Variants in SLC44A1 observed in about 807,000 individuals in gnomAD.
SLC44A1 encodes the protein choline transporter-like protein 1.
Under a neutral mutation model 79.3 loss-of-function variants are expected in SLC44A1, and 26 were observed. The observed-to-expected ratio is 0.33, with a 90% confidence interval of 0.24 to 0.46. SLC44A1 has a LOEUF of 0.46. Ranked by LOEUF, SLC44A1 falls within the 20% of genes least tolerant of loss-of-function variation. The pLI, the probability that SLC44A1 is intolerant of heterozygous loss-of-function variation, is 1.00. For missense variants in SLC44A1, 688 were observed against 798.1 expected, an observed-to-expected ratio of 0.86 and a Z score of 1.66; for synonymous variants, 263 against 286.2, an observed-to-expected ratio of 0.92 and a Z score of 0.82.
Position 105,390,672 on chromosome 9 carries a change from T to G in SLC44A1, c.*1616T>G. On this transcript the variant is annotated 3_prime_UTR_variant, in exon 16 of 16. Coordinates refer to ENST00000374720, the MANE Select transcript of SLC44A1 (RefSeq NM_080546.5). ...TGTATTTTTTTTTAAGTATTGGTGT[T>G]CTTTACTCTAGCTAGGCTAAAATTT... 1 of 985,632 alleles carries G rather than the reference T, an allele frequency of 1.0e-6. No homozygotes were observed. Among genetic ancestry groups the G allele is most frequent in the Non-Finnish European group, 1.2e-6 (1 of 829,750 alleles). 61.1% of individuals were successfully genotyped at this position (985,632 alleles called of 1,614,324 possible). A position where few individuals can be genotyped will look rare whatever the true frequency, so the allele number is the denominator to read the frequency against.
At chr9:105,397,949 GAAAAAAAA>G (rs904638767), downstream of SLC44A1, among the ~76,000 whole-genome samples, 8 of 148,590 alleles carry the variant, frequency 5.4e-5, no homozygotes, top group African/African-American at 2.6e-5. Context: ...CTCGGTCTCA[GAAAAAAAA>G]AAAAAAGAAA....
rs1828786478 is a variant in SLC44A1 at position 105,392,429 on chromosome 9, T to C, written c.*3373T>C. The C allele has an allele frequency of 1.1e-6, 1 of 898,534 alleles. No homozygotes were observed. Among genetic ancestry groups the C allele is most frequent in the Non-Finnish European group, 1.3e-6 (1 of 769,306 alleles). 55.7% of individuals were successfully genotyped at this position (898,534 alleles called of 1,614,324 possible). A position where few individuals can be genotyped will look rare whatever the true frequency, so the allele number is the denominator to read the frequency against. ...TTTTTTTTTTTTTTTTTTTTTTTTT[T>C]TCCGTGAGGGCATTAGGCTGCTGAT... On this transcript the variant is annotated 3_prime_UTR_variant, in exon 16 of 16. Transcript: ENST00000374720.
At chr9:105,314,132 A>T (rs1831255857) in intron 3 of SLC44A1, among the ~76,000 whole-genome samples, 1 of 152,198 alleles carries the variant, frequency 6.6e-6, no homozygotes. Flanking sequence ...TGGACAGAGC[A>T]GAAATGGTCC....
chr9:105,355,332 A>G (rs1158455220), intron 5 of SLC44A1, among the ~76,000 whole-genome samples: 1 of 152,246 alleles, frequency 6.6e-6, no homozygotes, highest in African/African-American at 2.4e-5. Context: ...TTTCACAAGT[A>G]AAAGTTTCAG....
At position 105,396,000 on chromosome 9, in the gene SLC44A1, G is replaced by A; in HGVS notation, c.*6944G>A. 1 of 984,738 alleles carries A rather than the reference G, an allele frequency of 1.0e-6. No homozygotes were observed. The highest frequency in any genetic ancestry group is 1.8e-5 in the African/African-American group (1 of 57,108). The allele number at this position is 984,738 out of a possible 1,614,324, so 61.0% of individuals were successfully genotyped here. A position where few individuals can be genotyped will look rare whatever the true frequency, so the allele number is the denominator to read the frequency against. ...GATTTGAAACAGGGACTATTAAGTA[G>A]ATTTTCCCCCATCCTCTAGGTTCCT... On this transcript the variant is annotated 3_prime_UTR_variant, in exon 16 of 16. Transcript: ENST00000374720.
At chr9:105,253,475 C>T (rs1829633864) in intron 1 of SLC44A1, among the ~76,000 whole-genome samples, 1 of 152,152 alleles carries the variant, frequency 6.6e-6, no homozygotes, top group African/African-American at 2.4e-5. Flanking sequence ...CACGTATAAT[C>T]CCAACACTTT....
intron 15 of SLC44A1, among the ~76,000 whole-genome samples, chr9:105,409,338 A>G (rs1452281167): frequency 6.6e-6 from 1 of 152,268 alleles, no homozygotes; most frequent in East Asian, 1.9e-4. Flanking sequence ...GTTACTAGAG[A>G]GGACATTTTA....
intron 1 of SLC44A1, among the ~76,000 whole-genome samples, chr9:105,270,381 C>A (rs1157411536): frequency 6.6e-6 from 1 of 152,198 alleles, no homozygotes. Context: ...TTTCTCCACT[C>A]AATAGCCTGA....
At position 105,395,545 on chromosome 9, in the gene SLC44A1, A is replaced by G; in HGVS notation, c.*6489A>G. Reference sequence around the variant, plus strand: ...AGAAGAGTTTTAATGAACCTTCCACAGTAGTAAATGCAGAGACCACTGGTG... The same window carrying G: ...AGAAGAGTTTTAATGAACCTTCCACGGTAGTAAATGCAGAGACCACTGGTG... On this transcript the variant is annotated 3_prime_UTR_variant, in exon 16 of 16. Coordinates refer to ENST00000374720, the MANE Select transcript of SLC44A1 (RefSeq NM_080546.5). 2 of 985,512 alleles carry G rather than the reference A, an allele frequency of 2.0e-6. No homozygotes were observed. The highest frequency in any genetic ancestry group is 2.4e-6 in the Non-Finnish European group (2 of 829,976). The allele number at this position is 985,512 out of a possible 1,614,324, so 61.0% of individuals were successfully genotyped here.
chr9:105,425,545 A>T (rs988236555), intron 15 of SLC44A1, among the ~76,000 whole-genome samples: 13 of 152,176 alleles, frequency 8.5e-5, no homozygotes, highest in Non-Finnish European at 2.9e-5. Context: ...ATTTGGGGCC[A>T]GGTGTAGTGG....
At chr9:105,357,617 T>C (rs1463343781) in intron 6 of SLC44A1, among the ~76,000 whole-genome samples, 1 of 152,186 alleles carries the variant, frequency 6.6e-6, no homozygotes, top group African/African-American at 2.4e-5. Context: ...CTTTCTTCTT[T>C]AAGATTTTTA....
At chr9:105,332,702 A>G (rs1369972966) in intron 3 of SLC44A1, among the ~76,000 whole-genome samples, 3 of 152,096 alleles carry the variant, frequency 2.0e-5, no homozygotes, top group East Asian at 1.9e-4. Context: ...TTAGTCATGA[A>G]TACTCCTACA....
intron 15 of SLC44A1, among the ~76,000 whole-genome samples, chr9:105,386,991 A>G (rs1338684304): frequency 2.8e-5 from 4 of 140,526 alleles, no homozygotes; most frequent in Non-Finnish European, 6.1e-5. Context: ...GTGAGCCAAG[A>G]TGGCGCCATT....
Position 105,364,467 on chromosome 9 carries a change from G to T in SLC44A1, c.1088-88G>T, listed in dbSNP as rs1467626511. On this transcript the variant is annotated intron_variant, in intron 9 of 15. Transcript: ENST00000374720. ...CAGATCAGAAGGTTTGTGGCTTGGG[G>T]TAGGGACCTATTGCCTTCTACTTAA... The T allele has an allele frequency of 3.7e-6, 4 of 1,071,096 alleles. No individual in the cohort carries two copies. The East Asian group carries it at 9.5e-5, about 26-fold the overall frequency. 66.3% of individuals were successfully genotyped at this position (1,071,096 alleles called of 1,614,324 possible).
chr9:105,319,946 A>G lies in SLC44A1; in HGVS notation c.269+10080A>G, dbSNP rs1023468782. On this transcript the variant is annotated intron_variant, in intron 3 of 15. Coordinates refer to ENST00000374720, the MANE Select transcript of SLC44A1 (RefSeq NM_080546.5). ...TTGAATTTGGTAACTATATGCAGTC[A>G]TGCATCCTCCATCACAATCCATACT... 4.6e-5 allele frequency among the ~76,000 whole-genome samples: 7 copies of G among 152,246 alleles called. No homozygotes were observed. In the East Asian group the frequency reaches 1.2e-3, roughly 25 times the overall value.
At chr9:105,360,411 A>G (rs776095464) in intron 7 of SLC44A1, among the ~76,000 whole-genome samples, 2 of 152,038 alleles carry the variant, frequency 1.3e-5, no homozygotes, top group Non-Finnish European at 2.9e-5. Flanking sequence ...TTTCCCTATT[A>G]TTATATAAGT....
At chr9:105,376,437 A>G (rs1388730196) in intron 13 of SLC44A1, among the ~76,000 whole-genome samples, 1 of 150,940 alleles carries the variant, frequency 6.6e-6, no homozygotes, top group African/African-American at 2.5e-5. Context: ...GCAATGGCAC[A>G]ATTTCGGCTC....
At chr9:105,299,958 C>G (rs1830832271) in intron 2 of SLC44A1, 1 of 984,348 alleles carries the variant, frequency 1.0e-6, no homozygotes, top group African/African-American at 1.7e-5. Context: ...TGTGCACATT[C>G]AATTGCATAC....
chr9:105,437,978 A>C (rs1829485575), intron 15 of SLC44A1, among the ~76,000 whole-genome samples: 1 of 152,234 alleles, frequency 6.6e-6, no homozygotes, highest in Non-Finnish European at 1.5e-5. Context: ...CTTTGTATTT[A>C]CCAATGCATT....
Sources: gnomAD v4.1 joint callset for allele counts (sites outside exome capture counted in the v4.1 genomes callset) on GRCh38, gnomAD v4.1.1 for gene constraint, MANE v1.5 for transcripts, NCBI Gene and HGNC (gene_info 2026-07-23, HGNC 2026-07-21) for gene names.